Variants in COL24A1 observed in about 807,000 individuals in gnomAD.
COL24A1 encodes collagen alpha-1(XXIV) chain.
In COL24A1, 224 loss-of-function variants were observed where a neutral mutation model predicts 253.9. The ratio of observed to expected loss-of-function variants is 0.88; its 90% CI spans 0.79 to 0.99. The LOEUF (loss-of-function observed/expected upper bound fraction) is 0.99, where lower values mean the gene tolerates loss of function less well. Among genes scored for constraint, COL24A1 ranks in the 50% least tolerant of loss-of-function variants. COL24A1 has a pLI of 0.00. For missense variants in COL24A1, 2,131 were observed against 2,068.5 expected, an observed-to-expected ratio of 1.03 and a Z score of -0.59; for synonymous variants, 685 against 673.7, an observed-to-expected ratio of 1.02 and a Z score of -0.26.
chr1:85,823,818 G>T, intron 43 of COL24A1, 80 bp from the exon 44 acceptor site: 1 of 1,282,670 alleles, frequency 7.8e-7, no homozygotes, highest in Non-Finnish European at 1.1e-6. Flanking sequence ...ACTTAAAATG[G>T]TAGCAAAGTG....
rs185004697 is a variant in COL24A1 at position 85,975,847 on chromosome 1, G to A, written c.2365-4454C>T. Among the ~76,000 whole-genome samples, 382 of 152,246 alleles carry A rather than the reference G, an allele frequency of 2.5e-3. 1 individual carries two copies. The highest frequency in any genetic ancestry group is 7.9e-3 in the African/African-American group (327 of 41,528). ...GCCTCCAGACACACATCCCCACTGG[G>A]GACCCTGAAAACCCAGATTACAGGA... is the stretch of plus-strand genomic sequence containing the variant. On this transcript the variant is annotated intron_variant, in intron 20 of 59. Transcript: ENST00000370571.
intron 24 of COL24A1, among the ~76,000 whole-genome samples, chr1:85,939,175 C>T (rs1292490294): frequency 6.6e-6 from 1 of 152,052 alleles, no homozygotes; most frequent in Non-Finnish European, 1.5e-5. Flanking sequence ...AACGTATCTA[C>T]CGTAAATGAT....
At chr1:86,053,977 CT>C (rs1700499075) in intron 10 of COL24A1, among the ~76,000 whole-genome samples, 1 of 151,982 alleles carries the variant, frequency 6.6e-6, no homozygotes, top group Non-Finnish European at 1.5e-5. Flanking sequence ...AAAATCTATA[CT>C]TGATAAAGCT....
chr1:85,843,371 T>C (rs1363050963), intron 39 of COL24A1, among the ~76,000 whole-genome samples: 1 of 152,136 alleles, frequency 6.6e-6, no homozygotes, highest in Admixed American at 6.5e-5. Flanking sequence ...AAAACATCAA[T>C]AAGAATTCAG....
intron 8 of COL24A1, among the ~76,000 whole-genome samples, chr1:86,061,404 A>AACC (rs1299641973): frequency 6.6e-6 from 1 of 152,060 alleles, no homozygotes; most frequent in East Asian, 1.9e-4. Context: ...GGCTAATGAA[A>AACC]ACCACCATCC....
intron 37 of COL24A1, among the ~76,000 whole-genome samples, chr1:85,867,694 A>AAAT (rs1558454815): frequency 4.6e-5 from 7 of 151,706 alleles, no homozygotes; most frequent in Non-Finnish European, 1.0e-4. Context: ...GGAAGACTAT[A>AAAT]ATAAATTAAG....
intron 2 of COL24A1, among the ~76,000 whole-genome samples, chr1:86,126,428 C>G (rs1401821451): frequency 1.3e-5 from 2 of 151,452 alleles, no homozygotes; most frequent in Non-Finnish European, 2.9e-5. Context: ...ATGCCCCTCC[C>G]CCTACACACA....
intron 2 of COL24A1, among the ~76,000 whole-genome samples, chr1:86,127,576 G>C (rs1357110063): frequency 6.6e-6 from 1 of 151,956 alleles, no homozygotes; most frequent in Non-Finnish European, 1.5e-5. Flanking sequence ...ATAGTCAGCT[G>C]CATGATCTTT....
chr1:86,141,795 G>A (rs1333651051), intron 2 of COL24A1, among the ~76,000 whole-genome samples: 21 of 151,804 alleles, frequency 1.4e-4, no homozygotes, highest in Admixed American at 1.3e-3. Flanking sequence ...CTGTCTCCTG[G>A]GCTCGAGTAG....
chr1:85,836,399 T>A (rs771835422), intron 43 of COL24A1, among the ~76,000 whole-genome samples: 2 of 152,264 alleles, frequency 1.3e-5, no homozygotes, highest in Non-Finnish European at 2.9e-5. Context: ...TTATGTTACA[T>A]GTATTTTATC....
intron 7 of COL24A1, among the ~76,000 whole-genome samples, chr1:86,083,297 C>CAA (rs964444513): frequency 1.7e-4 from 24 of 144,526 alleles, no homozygotes; most frequent in East Asian, 6.5e-4. Flanking sequence ...GGCTCCGTCT[C>CAA]AAAAAAATAT....
At chr1:86,150,943 A>G (rs113470777) in intron 1 of COL24A1, among the ~76,000 whole-genome samples, 12,883 of 152,220 alleles carry the variant, frequency 0.085, 707 homozygotes, top group Non-Finnish European at 0.11. Context: ...TACATTCCAA[A>G]TGTAAAATCC....
chr1:86,115,642 C>T (rs904708420), intron 3 of COL24A1, among the ~76,000 whole-genome samples: 6 of 152,106 alleles, frequency 3.9e-5, no homozygotes, highest in African/African-American at 1.4e-4. Context: ...TTAAAGGGAC[C>T]ACAACTAGTA....
intron 14 of COL24A1, among the ~76,000 whole-genome samples, chr1:86,026,353 A>C (rs1350152115): frequency 6.6e-6 from 1 of 152,202 alleles, no homozygotes; most frequent in Non-Finnish European, 1.5e-5. Context: ...TTTCATCTGA[A>C]TTGTAGTCTC....
intron 2 of COL24A1, among the ~76,000 whole-genome samples, chr1:86,130,505 T>C (rs11578172): frequency 0.062 from 9,349 of 152,016 alleles, 364 homozygotes; most frequent in East Asian, 0.14. Flanking sequence ...AAGGGTTTCC[T>C]TTAAAATTTT....
chr1:85,858,435 T>C (rs1376902963), intron 37 of COL24A1, among the ~76,000 whole-genome samples: 1 of 152,194 alleles, frequency 6.6e-6, no homozygotes, highest in East Asian at 1.9e-4. Context: ...CTTAGGGCCT[T>C]TGCGTTAGAT....
chr1:85,908,300 T>C (rs559099729), intron 27 of COL24A1, among the ~76,000 whole-genome samples: 2 of 151,880 alleles, frequency 1.3e-5, no homozygotes, highest in African/African-American at 4.8e-5. Flanking sequence ...TTTATCCAAT[T>C]GGTCTCACTT....
intron 24 of COL24A1, among the ~76,000 whole-genome samples, chr1:85,960,059 G>C (rs1690862052): frequency 6.6e-6 from 1 of 151,962 alleles, no homozygotes; most frequent in Non-Finnish European, 1.5e-5. Flanking sequence ...GGATTAATTA[G>C]GTATGGCAAT....
At chr1:85,737,566 C>CTTTT in intron 57 of COL24A1, 61 bp from the exon 58 acceptor site, 1 of 930,714 alleles carries the variant, frequency 1.1e-6, no homozygotes, top group Non-Finnish European at 1.5e-6. Flanking sequence ...CTTATAATTT[C>CTTTT]TTTTTTTTTT....
Sources: allele counts gnomAD v4.1 joint callset (sites outside exome capture counted in the v4.1 genomes callset), GRCh38; gene constraint gnomAD v4.1.1; transcripts MANE v1.5; gene names NCBI Gene and HGNC (gene_info 2026-07-23, HGNC 2026-07-21).